RHEX: variants seen among roughly 807,000 people sequenced by gnomAD.
The protein encoded by RHEX is regulator of hemoglobinization and erythroid cell expansion protein.
Under a neutral mutation model 20.1 loss-of-function variants are expected in RHEX, and 18 were observed. That is an observed-to-expected ratio of 0.90 (90% CI 0.62 to 1.33). The LOEUF (loss-of-function observed/expected upper bound fraction) is 1.33. Among genes scored for constraint, RHEX ranks in the 40% most tolerant of loss-of-function variants. The pLI, the probability that RHEX is intolerant of heterozygous loss-of-function variation, is 0.00. For synonymous variants in RHEX, 87 were observed against 77.1 expected (o/e 1.13, Z -0.67); for missense variants, 192 against 214.3 (o/e 0.90, Z 0.65).
intron 1 of RHEX, among the ~76,000 whole-genome samples, chr1:206,055,780 T>C (rs1433641270): frequency 6.6e-6 from 1 of 152,282 alleles, no homozygotes; most frequent in Non-Finnish European, 1.5e-5. Flanking sequence ...TTTTACACTC[T>C]ATGTGTCAGA....
Position 206,098,159 on chromosome 1 carries a change from C to T in RHEX, c.90C>T (p.Asn30=), listed in dbSNP as rs1553287969. Residue 30 remains asparagine (N), a synonymous_variant, in exon 3 of 6, where the codon AAC becomes AAT. Coordinates refer to ENST00000331555, the MANE Select transcript of RHEX (RefSeq NM_001007544.4). The part of the protein sequence containing the change: ...FLQACFLTAI[N]YLLSRHMAHK... Reference sequence around the variant, plus strand: ...AGGCCTGCTTCCTCACCGCCATCAACTACCTGCTCAGCAGGCACATGGGTA... The same window carrying T: ...AGGCCTGCTTCCTCACCGCCATCAATTACCTGCTCAGCAGGCACATGGGTA... 4 of 1,613,590 alleles carry T rather than the reference C, an allele frequency of 2.5e-6. No homozygotes were observed. The highest frequency in any genetic ancestry group is 3.4e-6 in the Non-Finnish European group (4 of 1,179,476).
intron 1 of RHEX, among the ~76,000 whole-genome samples, chr1:206,064,440 G>T (rs1662378153): frequency 1.2e-5 from 1 of 82,412 alleles, no homozygotes; most frequent in African/African-American, 6.5e-5. Context: ...AGGGAGGTGG[G>T]GGGGTCAGCC....
At position 206,053,492 on chromosome 1, in the gene RHEX, C is replaced by T. The variant is rs532611014; in HGVS notation, c.-97+227C>T. On this transcript the variant is annotated intron_variant, in intron 1 of 5. Coordinates refer to ENST00000331555, the MANE Select transcript of RHEX (RefSeq NM_001007544.4). ...TGCAAGAGTGTGTATGCCCTTTTTA[C>T]CTGTTTTTTTGTTTGTGGCATGTGT... Among the ~76,000 whole-genome samples, 12 of 152,224 alleles carry T rather than the reference C, an allele frequency of 7.9e-5. No homozygotes were observed. The South Asian group carries it at 2.3e-3, about 29-fold the overall frequency.
chr1:206,058,597 C>T (rs547041693), intron 1 of RHEX, among the ~76,000 whole-genome samples: 1 of 152,370 alleles, frequency 6.6e-6, no homozygotes, highest in East Asian at 1.9e-4. Context: ...AAAATCAACT[C>T]ATAACTTAGA....
In RHEX at chr1:206,098,275, T is replaced by A. The variant is rs1421950473; in HGVS notation, c.112+94T>A. On this transcript the variant is annotated intron_variant, in intron 3 of 5. Coordinates refer to ENST00000331555, the MANE Select transcript of RHEX (RefSeq NM_001007544.4). ...AAGACCCCTTTGGAGTTCCCAAACGTCACTCAAAAACCTACCAGAGGACCC... is the reference window on the plus strand; with the variant it reads ...AAGACCCCTTTGGAGTTCCCAAACGACACTCAAAAACCTACCAGAGGACCC... 17 of 927,316 alleles carry A rather than the reference T, an allele frequency of 1.8e-5. No individual in the cohort carries two copies. In the East Asian group the frequency reaches 4.0e-4, roughly 22 times the overall value. 57.4% of individuals were successfully genotyped at this position (927,316 alleles called of 1,614,324 possible). A position where few individuals can be genotyped will look rare whatever the true frequency, so the allele number is the denominator to read the frequency against.
chr1:206,067,395 G>T lies in RHEX; in HGVS notation c.-97+14130G>T, dbSNP rs1662441814. On this transcript the variant is annotated intron_variant, in intron 1 of 5. Transcript: ENST00000331555. This position sits in a 1 kb window ranked among gnomAD's most constrained non-coding sequence, Gnocchi z 4.6. ...CTCTGAGCTCAAAGTTTCCCAAAGGGTATTTTTCTAGTTATGAGAGACATT... is the reference window on the plus strand; with the variant it reads ...CTCTGAGCTCAAAGTTTCCCAAAGGTTATTTTTCTAGTTATGAGAGACATT... Among the ~76,000 whole-genome samples, 1 of 152,152 alleles carries T rather than the reference G, an allele frequency of 6.6e-6. No homozygotes were observed. Among genetic ancestry groups the T allele is most frequent in the Admixed American group, 6.5e-5 (1 of 15,274 alleles).
intron 1 of RHEX, among the ~76,000 whole-genome samples, chr1:206,063,777 CA>C (rs1662354740): frequency 6.6e-6 from 1 of 152,200 alleles, no homozygotes; most frequent in Non-Finnish European, 1.5e-5. Flanking sequence ...CTTGGCCTCC[CA>C]AAGTGCCGAG....
At chr1:206,091,020 A>T (rs1571870034) in intron 1 of RHEX, among the ~76,000 whole-genome samples, 1 of 152,314 alleles carries the variant, frequency 6.6e-6, no homozygotes, top group East Asian at 1.9e-4. Flanking sequence ...CCAAAACTGT[A>T]CTTTCATTTT....
intron 1 of RHEX, among the ~76,000 whole-genome samples, chr1:206,077,675 G>A (rs1662659550): frequency 6.6e-6 from 1 of 152,228 alleles, no homozygotes; most frequent in African/African-American, 2.4e-5. Context: ...AAGGCAGGAA[G>A]ATTGCTTGAG....
chr1:206,059,484 C>A (rs552744961), intron 1 of RHEX, among the ~76,000 whole-genome samples: 8 of 152,190 alleles, frequency 5.3e-5, no homozygotes, highest in Non-Finnish European at 1.0e-4. Flanking sequence ...CCCCACCCCA[C>A]CTTGGCCACA....
chr1:206,079,403 C>T (rs1433015877), intron 1 of RHEX, among the ~76,000 whole-genome samples: 1 of 151,986 alleles, frequency 6.6e-6, no homozygotes, highest in Non-Finnish European at 1.5e-5. Flanking sequence ...GCTCCTGGAG[C>T]TTTAAATTAA....
chr1:206,086,478 C>T (rs1388597653), intron 1 of RHEX, among the ~76,000 whole-genome samples: 1 of 152,072 alleles, frequency 6.6e-6, no homozygotes, highest in Non-Finnish European at 1.5e-5. Flanking sequence ...CCACCACGCC[C>T]GGCCAGCATT....
intron 1 of RHEX, among the ~76,000 whole-genome samples, chr1:206,095,625 T>C (rs1663049319): frequency 6.6e-6 from 1 of 152,184 alleles, no homozygotes; most frequent in Non-Finnish European, 1.5e-5. Flanking sequence ...GAGACCAGCC[T>C]GACCAACATG....
intron 1 of RHEX, among the ~76,000 whole-genome samples, chr1:206,072,829 CTTTT>C (rs71152466): frequency 3.3e-5 from 4 of 121,644 alleles, no homozygotes; most frequent in South Asian, 5.7e-4. Context: ...CCTCCTGTGT[CTTTT>C]TTTTTTTTTT....
chr1:206,086,672 A>G (rs1272538873), intron 1 of RHEX, among the ~76,000 whole-genome samples: 1 of 152,220 alleles, frequency 6.6e-6, no homozygotes, highest in Non-Finnish European at 1.5e-5. Context: ...AATGTTTTTT[A>G]TGATATAGCA....
intron 1 of RHEX, among the ~76,000 whole-genome samples, chr1:206,085,177 C>T (rs181435286): frequency 6.6e-6 from 1 of 152,212 alleles, no homozygotes; most frequent in East Asian, 1.9e-4. Flanking sequence ...AGTGGCTCCC[C>T]CAAGGTTAAA....
rs569307870 is a variant in RHEX at position 206,093,089 on chromosome 1, C to T, written c.-96-4644C>T. ...AGCCAGGAGAAGGCAGGCCCTAGCT[C>T]CCTTCTTTCCCCTTCTTTTGTTCTC... On this transcript the variant is annotated intron_variant, in intron 1 of 5. Transcript: ENST00000331555. 2.8e-3 allele frequency among the ~76,000 whole-genome samples: 425 copies of T among 152,250 alleles called. 3 individuals carry two copies. The highest frequency in any genetic ancestry group is 0.017 in the Middle Eastern group (5 of 294).
At chr1:206,097,343 A>G (rs1397767460) in intron 1 of RHEX, among the ~76,000 whole-genome samples, 2 of 151,918 alleles carry the variant, frequency 1.3e-5, no homozygotes, top group Non-Finnish European at 2.9e-5. Context: ...GCTTCTTGGC[A>G]CTGGATGCAT....
At chr1:206,088,709 C>A in intron 1 of RHEX, among the ~76,000 whole-genome samples, 1 of 152,286 alleles carries the variant, frequency 6.6e-6, no homozygotes, top group Non-Finnish European at 1.5e-5. Flanking sequence ...AAGAAATATT[C>A]TGGATTTGGG....
Sources: gnomAD v4.1 joint callset for allele counts (sites outside exome capture counted in the v4.1 genomes callset) on GRCh38, gnomAD v4.1.1 for gene constraint, Gnocchi (gnomAD v3.1) non-coding constraint, MANE v1.5 for transcripts, NCBI Gene and HGNC (gene_info 2026-07-23, HGNC 2026-07-21) for gene names.